KLF12: variants seen among roughly 807,000 people sequenced by gnomAD.
KLF12 encodes the protein KLF transcription factor 12.
In KLF12, 9 loss-of-function variants were observed where a neutral mutation model predicts 37.8. The ratio of observed to expected loss-of-function variants is 0.24; its 90% confidence interval spans 0.14 to 0.42. KLF12 has a LOEUF of 0.42. Among genes scored for constraint, KLF12 ranks in the 10% least tolerant of loss-of-function variants. KLF12 has a pLI of 1.00. For synonymous variants in KLF12, 208 were observed against 202.1 expected (o/e 1.03, Z -0.25); for missense variants, 411 against 516.0 (o/e 0.80, Z 1.97).
chr13:74,204,116 A>G, the KLF12 span, among the ~76,000 whole-genome samples: 2 of 152,140 alleles, frequency 1.3e-5, no homozygotes, highest in South Asian at 4.1e-4. Flanking sequence ...GGGCTTTGAA[A>G]TGATACAACT....
At chr13:73,962,359 AAG>A (rs1455975009) in intron 2 of KLF12, among the ~76,000 whole-genome samples, 1 of 152,214 alleles carries the variant, frequency 6.6e-6, no homozygotes, top group Non-Finnish European at 1.5e-5. Flanking sequence ...AAGGGCATAG[AAG>A]ATTTCTAGAA....
At chr13:74,141,157 A>G in the KLF12 span, among the ~76,000 whole-genome samples, 2 of 152,232 alleles carry the variant, frequency 1.3e-5, no homozygotes, top group Admixed American at 6.5e-5. Flanking sequence ...TGGAACAGCT[A>G]TGAAAGACAT....
At chr13:74,084,364 T>C (rs542642670) in intron 1 of KLF12, among the ~76,000 whole-genome samples, 4 of 152,206 alleles carry the variant, frequency 2.6e-5, no homozygotes, top group Admixed American at 1.3e-4. Flanking sequence ...TGTTCCGTGA[T>C]GGTCAACAGA....
intron 1 of KLF12, among the ~76,000 whole-genome samples, chr13:74,102,367 A>C (rs1283847789): frequency 6.6e-6 from 1 of 151,996 alleles, no homozygotes; most frequent in Non-Finnish European, 1.5e-5. Flanking sequence ...TGTGGAAGGG[A>C]AAGCTATCAG....
the KLF12 span, among the ~76,000 whole-genome samples, chr13:74,244,936 A>G: frequency 1.3e-5 from 2 of 152,226 alleles, no homozygotes; most frequent in Non-Finnish European, 2.9e-5. Context: ...CAGCAGCAAC[A>G]AACATATGAC....
intron 1 of KLF12, among the ~76,000 whole-genome samples, chr13:74,012,437 C>T (rs1892575305): frequency 1.3e-5 from 2 of 152,102 alleles, no homozygotes; most frequent in Non-Finnish European, 2.9e-5. Flanking sequence ...AGCAGGGCTG[C>T]TTTTTTAAAT....
intron 1 of KLF12, among the ~76,000 whole-genome samples, chr13:74,045,621 C>T (rs976448514): frequency 7.6e-5 from 6 of 78,432 alleles, no homozygotes; most frequent in Admixed American, 1.1e-4. Context: ...ACAGCATTGA[C>T]GAAAATGAAA....
At chr13:74,287,498 C>A in the KLF12 span, among the ~76,000 whole-genome samples, 1 of 152,056 alleles carries the variant, frequency 6.6e-6, no homozygotes, top group Non-Finnish European at 1.5e-5. Context: ...ATGTTTTGTT[C>A]AAGCACAAAC....
the KLF12 span, among the ~76,000 whole-genome samples, chr13:74,263,606 G>A: frequency 2.6e-5 from 4 of 152,154 alleles, no homozygotes; most frequent in African/African-American, 9.7e-5. Context: ...CAAGCTAATG[G>A]GAGTAAAGGA....
At chr13:73,793,382 T>C (rs1039649889) in intron 5 of KLF12, among the ~76,000 whole-genome samples, 7 of 152,164 alleles carry the variant, frequency 4.6e-5, no homozygotes, top group Middle Eastern at 3.2e-3. Flanking sequence ...TTTTAAAAAA[T>C]TAAAATTCAT....
the KLF12 span, among the ~76,000 whole-genome samples, chr13:74,150,093 C>T: frequency 1.1e-4 from 17 of 152,186 alleles, no homozygotes; most frequent in South Asian, 2.1e-4. Flanking sequence ...TATTTTCTCT[C>T]TCCCTCTGCT....
intron 3 of KLF12, among the ~76,000 whole-genome samples, chr13:73,883,133 T>C (rs1229981681): frequency 6.6e-6 from 1 of 152,202 alleles, no homozygotes; most frequent in Non-Finnish European, 1.5e-5. Flanking sequence ...CTTTTTAAAA[T>C]ACATTCTGAA....
chr13:74,111,315 A>T (rs1445283534), intron 1 of KLF12, among the ~76,000 whole-genome samples: 1 of 152,206 alleles, frequency 6.6e-6, no homozygotes, highest in Admixed American at 6.5e-5. Flanking sequence ...AATTTGAATC[A>T]TAAGACAACT....
chr13:73,948,797 T>C (rs1164057449), intron 2 of KLF12, among the ~76,000 whole-genome samples: 2 of 152,214 alleles, frequency 1.3e-5, no homozygotes, highest in African/African-American at 4.8e-5. Flanking sequence ...ACAAGCACAT[T>C]AGTGAATTCC....
chr13:73,819,664 T>C (rs149720344), intron 4 of KLF12, among the ~76,000 whole-genome samples: 354 of 152,236 alleles, frequency 2.3e-3, no homozygotes, highest in African/African-American at 8.1e-3. Context: ...AAGAAAAATA[T>C]ATACTACGTC....
chr13:74,155,599 G>T, the KLF12 span, among the ~76,000 whole-genome samples: 1 of 152,082 alleles, frequency 6.6e-6, no homozygotes, highest in Admixed American at 6.5e-5. Context: ...CTGACCTAAG[G>T]TGATCCACCC....
intron 6 of KLF12, among the ~76,000 whole-genome samples, chr13:73,728,093 T>G (rs1876798018): frequency 6.6e-6 from 1 of 152,232 alleles, no homozygotes; most frequent in Non-Finnish European, 1.5e-5. Flanking sequence ...TTTCAAACCA[T>G]GAATATAGGA....
At chr13:73,814,906 T>C (rs1883133639) in intron 4 of KLF12, among the ~76,000 whole-genome samples, 1 of 152,102 alleles carries the variant, frequency 6.6e-6, no homozygotes, top group South Asian at 2.1e-4. Context: ...GGAACTGATC[T>C]AGGGATTTAA....
the KLF12 span, among the ~76,000 whole-genome samples, chr13:74,216,943 T>C: frequency 5.9e-5 from 9 of 152,362 alleles, no homozygotes; most frequent in African/African-American, 1.9e-4. Context: ...TCGGCCTATA[T>C]ATAAAAAATC....
Sources: gnomAD v4.1 joint callset for allele counts (sites outside exome capture counted in the v4.1 genomes callset) on GRCh38, gnomAD v4.1.1 for gene constraint, MANE v1.5 for transcripts, NCBI Gene and HGNC (gene_info 2026-07-23, HGNC 2026-07-21) for gene names.